Variants in P3H2 observed in about 807,000 individuals in gnomAD.
The protein encoded by P3H2 is leprecan-like 1.
Under a neutral mutation model 87.0 loss-of-function variants are expected in P3H2, and 80 were observed. The observed-to-expected ratio is 0.92, with a 90% confidence interval of 0.77 to 1.11. The LOEUF (loss-of-function observed/expected upper bound fraction) is 1.11. Ranked by LOEUF, P3H2 falls within the 50% of genes least tolerant of loss-of-function variation. The pLI is 0.00. For missense variants in P3H2, 1,001 were observed against 923.9 expected (o/e 1.08, Z -1.08); for synonymous variants, 367 against 359.3 (o/e 1.02, Z -0.24).
chr3:190,069,290 T>C (rs1324201294), intron 1 of P3H2, among the ~76,000 whole-genome samples: 9 of 152,188 alleles, frequency 5.9e-5, no homozygotes, highest in African/African-American at 2.2e-4. Flanking sequence ...TAAAAGGATA[T>C]TGCTACCTTC....
Position 189,957,811 on chromosome 3 carries a change from A to G in P3H2, c.*101T>C. 2.5e-6 allele frequency: 2 copies of G among 788,900 alleles called. No homozygotes were observed. The highest frequency in any genetic ancestry group is 5.3e-5 in the East Asian group (2 of 37,618). The allele number at this position is 788,900 out of a possible 1,614,324, so 48.9% of individuals were successfully genotyped here. ...AGAGAAGGAAGATCTGATGACTGAC[A>G]TTAACCTGTTAATTTATACCATGGC... On this transcript the variant is annotated 3_prime_UTR_variant, in exon 15 of 15. Transcript: ENST00000319332.
At chr3:189,994,657 G>GTT (rs1204586892) in intron 2 of P3H2, among the ~76,000 whole-genome samples, 1 of 63,728 alleles carries the variant, frequency 1.6e-5, no homozygotes, top group Non-Finnish European at 3.7e-5. Context: ...CCCTGCCTGT[G>GTT]TTTTTTGTTT....
intron 1 of P3H2, among the ~76,000 whole-genome samples, chr3:190,044,360 G>A (rs995618499): frequency 1.3e-5 from 2 of 152,214 alleles, no homozygotes; most frequent in African/African-American, 2.4e-5. Context: ...AGAAATCAGA[G>A]TGGTGGAGTA....
chr3:189,977,498 T>C (rs1723387323), intron 8 of P3H2, among the ~76,000 whole-genome samples: 1 of 152,236 alleles, frequency 6.6e-6, no homozygotes, highest in Non-Finnish European at 1.5e-5. Context: ...GACACAGTTA[T>C]GTTCTCTGCA....
At chr3:190,115,242 G>A (rs1183388050) in intron 1 of P3H2, among the ~76,000 whole-genome samples, 1 of 152,090 alleles carries the variant, frequency 6.6e-6, no homozygotes, top group Non-Finnish European at 1.5e-5. Flanking sequence ...AAACAGAATT[G>A]CCTAATGTAA....
At position 190,096,745 on chromosome 3, in the gene P3H2, C is replaced by T. The variant is rs995519505; in HGVS notation, c.480+23507G>A. Reference sequence around the variant, plus strand: ...TATCATAGGTCAATGAACACAGACACCCAACTTGGCCAAAAGGTCTCCATA... The same window carrying T: ...TATCATAGGTCAATGAACACAGACATCCAACTTGGCCAAAAGGTCTCCATA... On this transcript the variant is annotated intron_variant, in intron 1 of 14. Coordinates refer to ENST00000319332, the MANE Select transcript of P3H2 (RefSeq NM_018192.4). Among the ~76,000 whole-genome samples, 3 of 152,128 alleles carry T rather than the reference C, an allele frequency of 2.0e-5. No homozygotes were observed. The East Asian group carries it at 5.8e-4, about 29-fold the overall frequency.
chr3:190,003,664 G>T (rs75227877), intron 1 of P3H2, among the ~76,000 whole-genome samples: 3,956 of 152,284 alleles, frequency 0.026, 158 homozygotes, highest in African/African-American at 0.083. Flanking sequence ...AGTGATGGAA[G>T]GTAGACAAGT....
chr3:189,980,455 C>T (rs1302137975), intron 8 of P3H2, among the ~76,000 whole-genome samples: 1 of 151,802 alleles, frequency 6.6e-6, no homozygotes, highest in African/African-American at 2.4e-5. Context: ...CCTAGCTACT[C>T]AGGAGGCTGA....
chr3:189,986,221 A>G (rs1026587927), intron 6 of P3H2, among the ~76,000 whole-genome samples: 2 of 152,238 alleles, frequency 1.3e-5, no homozygotes, highest in African/African-American at 4.8e-5. Flanking sequence ...CTTTTACCCA[A>G]TAGATTTGCT....
chr3:190,119,180 AGGAG>A (rs1712428086), intron 1 of P3H2, among the ~76,000 whole-genome samples: 2 of 51,888 alleles, frequency 3.9e-5, no homozygotes, highest in Non-Finnish European at 7.8e-5. Context: ...GGGAGAGGAG[AGGAG>A]AGGAGAGGAG....
At chr3:189,995,195 T>C (rs1560353815) in intron 2 of P3H2, 95 bp downstream of exon 2, 2 of 1,177,288 alleles carry the variant, frequency 1.7e-6, no homozygotes, top group Non-Finnish European at 2.5e-6. Flanking sequence ...GAATAAACTT[T>C]ATGAGATATT....
At chr3:190,025,764 C>A (rs1194424698) in intron 1 of P3H2, among the ~76,000 whole-genome samples, 1 of 152,098 alleles carries the variant, frequency 6.6e-6, no homozygotes, top group East Asian at 1.9e-4. Context: ...TGGACTAACA[C>A]ATAATAAACC....
In P3H2 at chr3:190,015,552, C is replaced by A. The variant is rs1702484198; in HGVS notation, c.481-20110G>T. Among the ~76,000 whole-genome samples the A allele has an allele frequency of 1.3e-5, 2 of 152,086 alleles. 1 individual carries two copies. On this transcript the variant is annotated intron_variant, in intron 1 of 14. Coordinates refer to ENST00000319332, the MANE Select transcript of P3H2 (RefSeq NM_018192.4). ...CACTGACCCAGGAGTCTGGCATGAACTTTTTTTGTCTCCCTCAATCATCTT... is the reference window on the plus strand; with the variant it reads ...CACTGACCCAGGAGTCTGGCATGAAATTTTTTTGTCTCCCTCAATCATCTT...
intron 1 of P3H2, among the ~76,000 whole-genome samples, chr3:190,042,188 T>C (rs139897381): frequency 0.01 from 1,597 of 152,328 alleles, 15 homozygotes; most frequent in Middle Eastern, 0.024. Context: ...ACTAACCTAA[T>C]AGACATGAAT....
At chr3:189,994,027 T>A in intron 3 of P3H2, 67 bp downstream of exon 3, 2 of 1,254,536 alleles carry the variant, frequency 1.6e-6, no homozygotes, top group Non-Finnish European at 2.3e-6. Flanking sequence ...CTGGAATAGT[T>A]TTTTACAAAT....
chr3:190,045,255 G>T (rs1362495853), intron 1 of P3H2, among the ~76,000 whole-genome samples: 6 of 152,194 alleles, frequency 3.9e-5, no homozygotes, highest in Non-Finnish European at 8.8e-5. Flanking sequence ...AATGTGAAAA[G>T]CTTGGATTTA....
chr3:190,104,448 G>A (rs918283546), intron 1 of P3H2, among the ~76,000 whole-genome samples: 3 of 151,938 alleles, frequency 2.0e-5, no homozygotes, highest in Admixed American at 6.6e-5. Flanking sequence ...GCTGGATAAA[G>A]GGATTATTTA....
At chr3:189,958,699 CTTTTTTTTTTT>C (rs71175319) in intron 14 of P3H2, among the ~76,000 whole-genome samples, 5,142 of 120,236 alleles carry the variant, frequency 0.043, 168 homozygotes, top group Middle Eastern at 0.059. Flanking sequence ...ATTGCTCCCT[CTTTTTTTTTTT>C]TTTTTTTTTT....
Position 190,100,260 on chromosome 3 carries a change from C to CAAA in P3H2, c.480+19991_480+19992insTTT, listed in dbSNP as rs1223822981. On this transcript the variant is annotated intron_variant, in intron 1 of 14. Coordinates refer to ENST00000319332, the MANE Select transcript of P3H2 (RefSeq NM_018192.4). ...CCCGCCCCCCCCGCCGCCCCCCCCC[C>CAAA]CAAAAAAAACACTTCTATGATTGCA... 6.7e-4 allele frequency among the ~76,000 whole-genome samples: 95 copies of CAAA among 141,024 alleles called. 1 individual carries two copies. Among genetic ancestry groups the CAAA allele is most frequent in the African/African-American group, 2.3e-3 (86 of 36,764 alleles). 92.5% of individuals were successfully genotyped at this position (141,024 alleles called of 152,430 possible).
Sources: gnomAD v4.1 joint callset for allele counts (sites outside exome capture counted in the v4.1 genomes callset) on GRCh38, gnomAD v4.1.1 for gene constraint, MANE v1.5 for transcripts, NCBI Gene and HGNC (gene_info 2026-07-23, HGNC 2026-07-21) for gene names.